Variants in ST6GAL1 observed in about 807,000 individuals in gnomAD.
ST6GAL1 encodes ST6 beta-galactoside alpha-2,6-sialyltransferase 1.
A neutral mutation model predicts 38.0 loss-of-function variants in ST6GAL1; 20 were observed. That is an observed-to-expected ratio of 0.53 (90% CI 0.37 to 0.77). ST6GAL1 has a LOEUF of 0.77. ST6GAL1 is among the 30% of genes least tolerant of loss of function. ST6GAL1 has a pLI of 0.00. For synonymous variants in ST6GAL1, 196 were observed against 188.2 expected, an observed-to-expected ratio of 1.04 and a Z score of -0.34; for missense variants, 432 against 496.4, an observed-to-expected ratio of 0.87 and a Z score of 1.23.
intron 5 of ST6GAL1, among the ~76,000 whole-genome samples, chr3:187,071,600 A>C (rs955073652): frequency 2.0e-5 from 3 of 151,156 alleles, no homozygotes; most frequent in East Asian, 1.9e-4. Flanking sequence ...ATACAAAAAA[A>C]CCCCCAAAAA....
chr3:186,992,380 G>A (rs866167316), intron 2 of ST6GAL1, among the ~76,000 whole-genome samples: 6 of 152,140 alleles, frequency 3.9e-5, no homozygotes, highest in Admixed American at 1.3e-4. Context: ...CCCAAGCCAT[G>A]TGGAACTGCA....
chr3:187,048,088 G>A (rs1158694760), intron 4 of ST6GAL1, among the ~76,000 whole-genome samples: 5 of 151,750 alleles, frequency 3.3e-5, no homozygotes, highest in African/African-American at 7.3e-5. Flanking sequence ...GATTACAGGC[G>A]CCTGCCACCA....
At chr3:186,956,955 C>T (rs901610099) in intron 1 of ST6GAL1, among the ~76,000 whole-genome samples, 4 of 152,086 alleles carry the variant, frequency 2.6e-5, no homozygotes, top group South Asian at 2.1e-4. Flanking sequence ...TTCACAAAAC[C>T]TGTAATTACT....
intron 5 of ST6GAL1, among the ~76,000 whole-genome samples, chr3:187,066,177 A>G (rs1219347874): frequency 1.3e-5 from 2 of 152,282 alleles, no homozygotes; most frequent in African/African-American, 2.4e-5. Context: ...ACAGTCTATT[A>G]ATATCATAAT....
At chr3:187,031,895 T>G (rs756808456) in intron 2 of ST6GAL1, among the ~76,000 whole-genome samples, 32 of 152,240 alleles carry the variant, frequency 2.1e-4, no homozygotes, top group Non-Finnish European at 4.3e-4. Context: ...GTTTGGGCTC[T>G]TGTCTTGATA....
rs546283889 is a variant in ST6GAL1, at chr3:187,055,620, G to GT, written c.705+4275dup. 3.3e-5 allele frequency among the ~76,000 whole-genome samples: 5 copies of GT among 152,312 alleles called. No individual in the cohort carries two copies. In the South Asian group the frequency reaches 1.0e-3, roughly 32 times the overall value. ...TTTCCATGTAGTTGTGCAGTTTTGA[G>GT]TGAGTTTCTTAATCCCGAGTTCTAA... On this transcript the variant is annotated intron_variant, in intron 5 of 7. Coordinates refer to ENST00000169298, the MANE Select transcript of ST6GAL1 (RefSeq NM_173216.2).
chr3:186,938,866 A>G (rs137884482), intron 1 of ST6GAL1, among the ~76,000 whole-genome samples: 2 of 152,198 alleles, frequency 1.3e-5, no homozygotes, highest in Non-Finnish European at 2.9e-5. Flanking sequence ...CAGCCGAGCC[A>G]TAGCTATTTC....
chr3:186,937,722 C>T (rs1714016380), intron 1 of ST6GAL1, among the ~76,000 whole-genome samples: 1 of 152,152 alleles, frequency 6.6e-6, no homozygotes, highest in Non-Finnish European at 1.5e-5. Flanking sequence ...CATGAGGCCA[C>T]ACTGGACAGC....
chr3:186,998,351 T>C (rs1278040385), intron 2 of ST6GAL1, among the ~76,000 whole-genome samples: 1 of 152,208 alleles, frequency 6.6e-6, no homozygotes, highest in East Asian at 1.9e-4. Flanking sequence ...ACATATTTTA[T>C]ATGTTATGTG....
chr3:186,985,570 C>G (rs964265924), intron 2 of ST6GAL1, among the ~76,000 whole-genome samples: 1 of 149,900 alleles, frequency 6.7e-6, no homozygotes, highest in Admixed American at 6.7e-5. Context: ...TCGAGATTAG[C>G]CTGGGAAACA....
Position 186,993,105 on chromosome 3 carries a change from G to C in ST6GAL1, c.-183+29179G>C, listed in dbSNP as rs6786500. ...GGCTGCAACTCTGACTTGAGTGTTTGTGTCCCTAGTGCGTTTAGCTTCGGG... is the reference window on the plus strand; with the variant it reads ...GGCTGCAACTCTGACTTGAGTGTTTCTGTCCCTAGTGCGTTTAGCTTCGGG... On this transcript the variant is annotated intron_variant, in intron 2 of 7. Transcript: ENST00000169298. Among the ~76,000 whole-genome samples the C allele has an allele frequency of 5.0e-3, 759 of 152,248 alleles. 6 individuals carry two copies. Among genetic ancestry groups the C allele is most frequent in the African/African-American group, 0.017 (726 of 41,548 alleles).
intron 1 of ST6GAL1, among the ~76,000 whole-genome samples, chr3:186,960,283 G>A (rs887740486): frequency 6.6e-6 from 1 of 152,214 alleles, no homozygotes; most frequent in African/African-American, 2.4e-5. Flanking sequence ...TAAGGGCAGA[G>A]GAGAAAGGGG....
intron 2 of ST6GAL1, among the ~76,000 whole-genome samples, chr3:186,983,990 A>G (rs1221779569): frequency 6.6e-6 from 1 of 152,144 alleles, no homozygotes; most frequent in Non-Finnish European, 1.5e-5. Context: ...TCTGTTTGAC[A>G]GTCTCATCTC....
chr3:187,072,826 A>G (rs1181265306), intron 5 of ST6GAL1, 23 bp from the exon 6 acceptor site: 2 of 1,599,594 alleles, frequency 1.3e-6, no homozygotes, highest in South Asian at 2.2e-5. Flanking sequence ...TTCAAGCGAC[A>G]GCTTATCTCT....
At position 187,042,655 on chromosome 3, in the gene ST6GAL1, C is replaced by T; in HGVS notation, c.-49C>T. ...TTTTCCTTGTCTCACTTTTTTTAGG[C>T]TTGTTTTCCTGCTCAGAACAAAGTG... is the stretch of plus-strand genomic sequence containing the variant. On this transcript the variant is annotated splice_region_variant and 5_prime_UTR_variant, in exon 4 of 8. Coordinates refer to ENST00000169298, the MANE Select transcript of ST6GAL1 (RefSeq NM_173216.2). 4 of 1,536,040 alleles carry T rather than the reference C, an allele frequency of 2.6e-6. No homozygotes were observed. Among genetic ancestry groups the T allele is most frequent in the Non-Finnish European group, 3.5e-6 (4 of 1,147,314 alleles).
chr3:187,018,606 T>G (rs1428407562), intron 2 of ST6GAL1, among the ~76,000 whole-genome samples: 2 of 152,188 alleles, frequency 1.3e-5, no homozygotes, highest in African/African-American at 2.4e-5. Flanking sequence ...TTCTTCTGCC[T>G]GCTTTTTATT....
At chr3:186,972,992 A>G (rs1451537166) in intron 2 of ST6GAL1, among the ~76,000 whole-genome samples, 4 of 152,170 alleles carry the variant, frequency 2.6e-5, no homozygotes, top group Non-Finnish European at 4.4e-5. Flanking sequence ...GAGTGGGCTC[A>G]GGCTCTGGAT....
At position 187,037,244 on chromosome 3, in the gene ST6GAL1, C is replaced by T. The variant is rs372926131; in HGVS notation, c.-182-1498C>T. On this transcript the variant is annotated intron_variant, in intron 2 of 7. Coordinates refer to ENST00000169298, the MANE Select transcript of ST6GAL1 (RefSeq NM_173216.2). The stretch of plus-strand genomic sequence containing the variant: ...ATGAGTATTATCATGTAGAAAACTG[C>T]GGACGAATGTAAATTCTATAAACTA... Among the ~76,000 whole-genome samples the T allele has an allele frequency of 1.3e-4, 20 of 152,202 alleles. No homozygotes were observed. The East Asian group carries it at 2.7e-3, about 21-fold the overall frequency.
chr3:187,005,753 G>T (rs771925354), intron 2 of ST6GAL1, among the ~76,000 whole-genome samples: 2 of 152,058 alleles, frequency 1.3e-5, no homozygotes, highest in African/African-American at 2.4e-5. Flanking sequence ...TACGTATTTT[G>T]AAAAACACTG....
Sources: allele counts gnomAD v4.1 joint callset (sites outside exome capture counted in the v4.1 genomes callset), GRCh38; gene constraint gnomAD v4.1.1; transcripts MANE v1.5; gene names NCBI Gene and HGNC (gene_info 2026-07-23, HGNC 2026-07-21).